Variants in PCDHGA5 observed in about 807,000 individuals in gnomAD.
PCDHGA5 encodes the protein protocadherin gamma-A5.
A neutral mutation model predicts 56.7 loss-of-function variants in PCDHGA5; 36 were observed. That is an observed-to-expected ratio of 0.64 (90% CI 0.49 to 0.84). The LOEUF (loss-of-function observed/expected upper bound fraction) is 0.84. Ranked by LOEUF, PCDHGA5 falls within the 40% of genes least tolerant of loss-of-function variation. The probability of loss-of-function intolerance (pLI) is 0.00; values close to 1 mark genes in which losing one functional copy is unlikely to be tolerated. For missense variants in PCDHGA5, 1,305 were observed against 1,201.5 expected, an observed-to-expected ratio of 1.09 and a Z score of -1.27; for synonymous variants, 563 against 520.2, an observed-to-expected ratio of 1.08 and a Z score of -1.12.
chr5:141,387,923 G>T lies in PCDHGA5; in HGVS notation c.2421+21172G>T, dbSNP rs2091157364. The T allele has an allele frequency of 2.7e-6, 4 of 1,475,394 alleles. No individual in the cohort carries two copies. In the Admixed American group the frequency reaches 1.1e-4, roughly 39 times the overall value. 91.4% of individuals were successfully genotyped at this position (1,475,394 alleles called of 1,614,324 possible). On this transcript the variant is annotated intron_variant, in intron 1 of 3. Coordinates refer to ENST00000518069, the MANE Select transcript of PCDHGA5 (RefSeq NM_018918.3). ...CCGGGGAGCTGGGCCGGGCTGAGAG[G>T]CTGCCAGTGCTCTTTCTCTTCCTGC...
In PCDHGA5 at chr5:141,403,718, C is replaced by T. The variant is rs77227638; in HGVS notation, c.2421+36967C>T. 9.8e-3 allele frequency: 15,884 copies of T among 1,613,838 alleles called. 137 individuals carry two copies. The highest frequency in any genetic ancestry group is 0.011 in the Non-Finnish European group (12,686 of 1,179,868). ...CCGAGTTAAAGTCCTTGAGAACGTG[C>T]CCCCAGGCACCTGGCTGCTTACTGC... On this transcript the variant is annotated intron_variant, in intron 1 of 3. Coordinates refer to ENST00000518069, the MANE Select transcript of PCDHGA5 (RefSeq NM_018918.3).
intron 1 of PCDHGA5, chr5:141,383,071 G>A (rs1778782498): frequency 1.2e-6 from 2 of 1,613,916 alleles, no homozygotes; most frequent in South Asian, 1.1e-5. Context: ...GGAGCCCCGG[G>A]AGCTGGCGGA....
chr5:141,500,484 C>T (rs2099800696), intron 2 of PCDHGA5, among the ~76,000 whole-genome samples: 1 of 152,304 alleles, frequency 6.6e-6, no homozygotes, highest in Non-Finnish European at 1.5e-5. Context: ...GCTGGGATTA[C>T]AGGCGTGAGC....
At chr5:141,390,444 G>A in intron 1 of PCDHGA5, 1 of 870,148 alleles carries the variant, frequency 1.1e-6, no homozygotes, top group South Asian at 1.8e-5. Context: ...TTCTACAAAG[G>A]AGGAGTAAAG....
chr5:141,492,557 G>A (rs2154587614), intron 1 of PCDHGA5, among the ~76,000 whole-genome samples: 1 of 152,350 alleles, frequency 6.6e-6, no homozygotes, highest in East Asian at 1.9e-4. Flanking sequence ...TCGCCTGGGG[G>A]GCGGCCTGAG....
chr5:141,389,265 G>C (rs1452714844), intron 1 of PCDHGA5: 1 of 1,614,004 alleles, frequency 6.2e-7, no homozygotes, highest in East Asian at 2.2e-5. Flanking sequence ...CCACGTGGCC[G>C]AGAACAACCC....
intron 1 of PCDHGA5, chr5:141,426,581 C>A: frequency 2.8e-6 from 1 of 358,468 alleles, no homozygotes. Context: ...TCTTCAAAAT[C>A]CTCTGTGTCA....
intron 1 of PCDHGA5, chr5:141,428,160 T>C (rs761366261): frequency 6.4e-7 from 1 of 1,572,286 alleles, no homozygotes; most frequent in Non-Finnish European, 8.7e-7. Context: ...AACCTGCTGG[T>C]TGCTGTGCGT....
chr5:141,501,636 C>T (rs2099810310), intron 2 of PCDHGA5, among the ~76,000 whole-genome samples: 1 of 152,130 alleles, frequency 6.6e-6, no homozygotes, highest in South Asian at 2.1e-4. Flanking sequence ...CTCAACCTCT[C>T]TGAGCCCTGT....
chr5:141,371,126 G>A (rs771503088), intron 1 of PCDHGA5: 2 of 1,613,996 alleles, frequency 1.2e-6, no homozygotes, highest in South Asian at 2.2e-5. Context: ...TATTTACTCA[G>A]GACATGTACA....
At position 141,404,183 on chromosome 5, in the gene PCDHGA5, G is replaced by A; in HGVS notation, c.2421+37432G>A. The A allele has an allele frequency of 1.2e-6, 2 of 1,613,154 alleles. No individual in the cohort carries two copies. Among genetic ancestry groups the A allele is most frequent in the South Asian group, 1.1e-5 (1 of 90,926 alleles). On this transcript the variant is annotated intron_variant, in intron 1 of 3. Coordinates refer to ENST00000518069, the MANE Select transcript of PCDHGA5 (RefSeq NM_018918.3). Reference sequence around the variant, plus strand: ...CAGATTGTTGACGGCCCAAATTCTTGACCGAGAAAAAGCCTCAGAATATAA... The same window carrying A: ...CAGATTGTTGACGGCCCAAATTCTTAACCGAGAAAAAGCCTCAGAATATAA...
chr5:141,375,754 C>T, intron 1 of PCDHGA5: 1 of 1,614,244 alleles, frequency 6.2e-7, no homozygotes, highest in Non-Finnish European at 8.5e-7. Flanking sequence ...ACCAGAATGA[C>T]AATGCGCCCG....
intron 1 of PCDHGA5, among the ~76,000 whole-genome samples, chr5:141,453,288 ATTAT>A (rs577328880): frequency 4.0e-5 from 6 of 151,342 alleles, no homozygotes; most frequent in Admixed American, 1.3e-4. Context: ...TAATTTTTTA[ATTAT>A]TTATTTATTT....
rs1396618267 is a variant in PCDHGA5, at chr5:141,421,234, A to T, written c.2421+54483A>T. On this transcript the variant is annotated intron_variant, in intron 1 of 3. Coordinates refer to ENST00000518069, the MANE Select transcript of PCDHGA5 (RefSeq NM_018918.3). ...TATCGGCTTAGAGCCTGCCATGGCG[A>T]ATCGGCTACAGCGCGGGGACCGCAG... 7 of 1,593,656 alleles carry T rather than the reference A, an allele frequency of 4.4e-6. No homozygotes were observed. In the African/African-American group the frequency reaches 9.4e-5, roughly 21 times the overall value.
Position 141,489,465 on chromosome 5 carries a change from T to C in PCDHGA5, c.2422-5342T>C. On this transcript the variant is annotated intron_variant, in intron 1 of 3. Transcript: ENST00000518069. The surrounding 1 kb of genome is among the most constrained non-coding windows in gnomAD (Gnocchi z 4.5). The stretch of plus-strand genomic sequence containing the variant: ...GCTCTGAGGAGAATGGGCGCTATTT[T>C]TCCCTGAGCTTGATGAGTGGTGCCC... The C allele has an allele frequency of 1.2e-6, 2 of 1,614,082 alleles. No homozygotes were observed. The highest frequency in any genetic ancestry group is 1.3e-5 in the African/African-American group (1 of 75,042).
At chr5:141,419,528 G>A (rs966922299) in intron 1 of PCDHGA5, 10 of 1,612,056 alleles carry the variant, frequency 6.2e-6, no homozygotes, top group Admixed American at 1.7e-5. Flanking sequence ...CGACCGTAAC[G>A]ACAACGCACC....
intron 1 of PCDHGA5, chr5:141,419,926 G>C (rs1371764532): frequency 7.4e-6 from 12 of 1,613,978 alleles, no homozygotes; most frequent in Non-Finnish European, 8.5e-6. Flanking sequence ...CTGAGATGCA[G>C]TTTTACCTGG....
intron 1 of PCDHGA5, chr5:141,415,644 A>G: frequency 6.2e-7 from 1 of 1,600,070 alleles, no homozygotes; most frequent in Non-Finnish European, 8.5e-7. Flanking sequence ...CTTTTGTTAA[A>G]AAAAAAAAGA....
chr5:141,370,142 C>T, intron 1 of PCDHGA5: 2 of 430,642 alleles, frequency 4.6e-6, no homozygotes, highest in Non-Finnish European at 8.1e-6. Flanking sequence ...GATTTAGTCA[C>T]CATTACTGCA....
Sources: gnomAD v4.1 joint callset for allele counts (sites outside exome capture counted in the v4.1 genomes callset) on GRCh38, gnomAD v4.1.1 for gene constraint, Gnocchi (gnomAD v3.1) non-coding constraint, MANE v1.5 for transcripts, NCBI Gene and HGNC (gene_info 2026-07-23, HGNC 2026-07-21) for gene names.